Variants in ZNF462 observed in about 807,000 individuals in gnomAD.
ZNF462 encodes the protein zinc finger protein 462.
In ZNF462, 10 loss-of-function variants were observed where a neutral mutation model predicts 201.9. The ratio of observed to expected loss-of-function variants is 0.05; its 90% CI spans 0.03 to 0.08. ZNF462 has a LOEUF of 0.08. Among genes scored for constraint, ZNF462 ranks in the 10% least tolerant of loss-of-function variants. ZNF462 has a pLI of 1.00. For missense variants in ZNF462, 2,523 were observed against 3,168.3 expected (o/e 0.80, Z 4.89); for synonymous variants, 1,227 against 1,193.3 (o/e 1.03, Z -0.58).
chr9:106,896,698 T>C (rs1463184382), intron 1 of ZNF462, among the ~76,000 whole-genome samples: 1 of 152,226 alleles, frequency 6.6e-6, no homozygotes, highest in African/African-American at 2.4e-5. Flanking sequence ...GGTCGACTGA[T>C]TGATGAAATA....
chr9:106,952,274 G>A (rs191001344), intron 7 of ZNF462, among the ~76,000 whole-genome samples: 93 of 152,174 alleles, frequency 6.1e-4, no homozygotes, highest in East Asian at 5.0e-3. Flanking sequence ...TAATGATGCC[G>A]ACTTTATGGG....
intron 11 of ZNF462, among the ~76,000 whole-genome samples, chr9:107,007,477 C>T (rs544454279): frequency 7.9e-5 from 12 of 152,268 alleles, no homozygotes; most frequent in Non-Finnish European, 1.6e-4. Context: ...GAACAAAAAG[C>T]CCTCAGGGTG....
intron 1 of ZNF462, among the ~76,000 whole-genome samples, chr9:106,908,941 A>ATTTTTT (rs1163695505): frequency 3.9e-5 from 1 of 25,350 alleles, no homozygotes; most frequent in Non-Finnish European, 6.5e-5. Context: ...ATATATATAT[A>ATTTTTT]TTTTTTTTTT....
Position 107,006,538 on chromosome 9 carries a change from G to A in ZNF462, c.7190-3007G>A, listed in dbSNP as rs745423875. 7.9e-5 allele frequency among the ~76,000 whole-genome samples: 12 copies of A among 152,218 alleles called. No individual in the cohort carries two copies. The highest frequency in any genetic ancestry group is 1.6e-4 in the Non-Finnish European group (11 of 68,014). On this transcript the variant is annotated intron_variant, in intron 11 of 12. Transcript: ENST00000277225. The surrounding 1 kb of genome is among the most constrained non-coding windows in gnomAD (Gnocchi z 4.3). ...AATCTGTGGATTCAGTGGCCCTTGG[G>A]ACCTTGCTGTAAGGAGCAGTTTTGC...
Position 106,950,634 on chromosome 9 carries a change from G to A in ZNF462, c.6427+11527G>A, listed in dbSNP as rs1276899821. ...CTAAACCACAGGCAGACAGTGAAGT[G>A]TAAGTGCAGTTCCCTATTAGCACAT... On this transcript the variant is annotated intron_variant, in intron 7 of 12. Transcript: ENST00000277225. The surrounding 1 kb of genome is among the most constrained non-coding windows in gnomAD (Gnocchi z 4.1). Among the ~76,000 whole-genome samples, 2 of 152,184 alleles carry A rather than the reference G, an allele frequency of 1.3e-5. No individual in the cohort carries two copies. Among genetic ancestry groups the A allele is most frequent in the Non-Finnish European group, 2.9e-5 (2 of 68,026 alleles).
chr9:107,010,527 A>C lies in ZNF462; in HGVS notation c.7314-296A>C, dbSNP rs1404816781. Reference sequence around the variant, plus strand: ...TATGACCCAGTAGAGAAAGTGACATAAAATGATTATGCTTATCTAGAAAGA... The same window carrying C: ...TATGACCCAGTAGAGAAAGTGACATCAAATGATTATGCTTATCTAGAAAGA... On this transcript the variant is annotated intron_variant, in intron 12 of 12. Coordinates refer to ENST00000277225, the MANE Select transcript of ZNF462 (RefSeq NM_021224.6). The surrounding 1 kb of genome is among the most constrained non-coding windows in gnomAD (Gnocchi z 4.6). 6.6e-6 allele frequency among the ~76,000 whole-genome samples: 1 copy of C among 152,194 alleles called. No individual in the cohort carries two copies. The highest frequency in any genetic ancestry group is 1.5e-5 in the Non-Finnish European group (1 of 68,030).
Position 106,865,016 on chromosome 9 carries a change from TGGA to T in ZNF462, c.-31+1673_-31+1675del, listed in dbSNP as rs774546287. On this transcript the variant is annotated intron_variant, in intron 1 of 12. Coordinates refer to ENST00000277225, the MANE Select transcript of ZNF462 (RefSeq NM_021224.6). The surrounding 1 kb of genome is among the most constrained non-coding windows in gnomAD (Gnocchi z 4.1). ...ATTTTGAAGCTCTGTTGGTGATGGC[TGGA>T]GGAGGAGGAGGCTTGCTTGCCTACT... Among the ~76,000 whole-genome samples, 87 of 152,098 alleles carry T rather than the reference TGGA, an allele frequency of 5.7e-4. No homozygotes were observed. Among genetic ancestry groups the T allele is most frequent in the Non-Finnish European group, 9.6e-4 (65 of 67,994 alleles).
chr9:106,945,979 A>T (rs1013626953), intron 7 of ZNF462, among the ~76,000 whole-genome samples: 4 of 152,362 alleles, frequency 2.6e-5, no homozygotes, highest in Non-Finnish European at 5.9e-5. Flanking sequence ...GTGACTTTGA[A>T]TTAGCCATAG....
intron 7 of ZNF462, among the ~76,000 whole-genome samples, chr9:106,945,034 C>A (rs1261763752): frequency 6.6e-6 from 1 of 152,124 alleles, no homozygotes; most frequent in Non-Finnish European, 1.5e-5. Flanking sequence ...TTCACTAACC[C>A]ATGCCATAGA....
chr9:106,976,514 G>C (rs1827015463), intron 9 of ZNF462: 1 of 152,174 alleles, frequency 6.6e-6, no homozygotes, highest in Non-Finnish European at 1.5e-5. Flanking sequence ...CTCACTCAAA[G>C]TCACCCAACT....
At position 106,919,599 on chromosome 9, in the gene ZNF462, A is replaced by G. The variant is rs1048403320; in HGVS notation, c.-30-3755A>G. Among the ~76,000 whole-genome samples, 11 of 152,252 alleles carry G rather than the reference A, an allele frequency of 7.2e-5. No individual in the cohort carries two copies. The highest frequency in any genetic ancestry group is 2.4e-4 in the African/African-American group (10 of 41,466). On this transcript the variant is annotated intron_variant, in intron 1 of 12. Coordinates refer to ENST00000277225, the MANE Select transcript of ZNF462 (RefSeq NM_021224.6). This position sits in a 1 kb window ranked among gnomAD's most constrained non-coding sequence, Gnocchi z 4.5. ...AAACAATTGGATTGTGGGTTTGCCC[A>G]TCAAAACCCCACATTTTGAAATCCT... is the stretch of plus-strand genomic sequence containing the variant.
In ZNF462 at chr9:107,009,651, T is replaced by C. The variant is rs769992222; in HGVS notation, c.7296T>C (p.His2432=). Residue 2432 remains histidine (H), a synonymous_variant, in exon 12 of 13, where the codon CAT becomes CAC. Transcript: ENST00000277225. This position sits in a 1 kb window ranked among gnomAD's most constrained non-coding sequence, Gnocchi z 6.1. ...AFSQGSEWER[H]VLRHGMALND... ...CACAGGGCTCTGAGTGGGAAAGACA[T>C]GTGCTGAGACACGGCATGTAAGTTG... 12 of 1,612,282 alleles carry C rather than the reference T, an allele frequency of 7.4e-6. No individual in the cohort carries two copies. In the South Asian group the frequency reaches 9.9e-5, roughly 13 times the overall value.
At chr9:106,969,596 TTTTGC>T (rs1826482082) in intron 7 of ZNF462, among the ~76,000 whole-genome samples, 1 of 152,066 alleles carries the variant, frequency 6.6e-6, no homozygotes, top group African/African-American at 2.4e-5. Context: ...TTCTTTATAG[TTTTGC>T]TAGAAAGGGA....
intron 7 of ZNF462, 91 bp downstream of exon 7, chr9:106,939,198 A>G (rs1457129169): frequency 4.7e-6 from 6 of 1,275,832 alleles, no homozygotes; most frequent in African/African-American, 4.5e-5. Context: ...GGAAAATCTT[A>G]TGTGAAAACA....
chr9:106,864,038 G>GGCTCTCTC (rs1827178678), intron 1 of ZNF462, among the ~76,000 whole-genome samples: 2 of 55,384 alleles, frequency 3.6e-5, no homozygotes, highest in South Asian at 5.7e-4. Context: ...TCAGGTATTT[G>GGCTCTCTC]GCTCTCTCTC....
intron 1 of ZNF462, among the ~76,000 whole-genome samples, chr9:106,888,443 G>A (rs890203048): frequency 6.6e-6 from 1 of 152,200 alleles, no homozygotes; most frequent in East Asian, 1.9e-4. Flanking sequence ...TGGCAGGGAG[G>A]AAGCTATGTT....
chr9:106,871,208 A>G (rs1008540901), intron 1 of ZNF462, among the ~76,000 whole-genome samples: 1 of 152,226 alleles, frequency 6.6e-6, no homozygotes, highest in African/African-American at 2.4e-5. Flanking sequence ...TTCTATTGCT[A>G]ATGAAAAGCT....
intron 6 of ZNF462, among the ~76,000 whole-genome samples, chr9:106,937,283 G>A (rs1564117679): frequency 6.6e-6 from 1 of 152,054 alleles, no homozygotes; most frequent in African/African-American, 2.4e-5. Context: ...ATATTCATCC[G>A]TGGTGAGAGG....
Position 106,895,159 on chromosome 9 carries a change from G to A in ZNF462, c.-30-28195G>A, listed in dbSNP as rs1828756386. 6.6e-6 allele frequency among the ~76,000 whole-genome samples: 1 copy of A among 152,124 alleles called. No individual in the cohort carries two copies. Among genetic ancestry groups the A allele is most frequent in the African/African-American group, 2.4e-5 (1 of 41,418 alleles). On this transcript the variant is annotated intron_variant, in intron 1 of 12. Coordinates refer to ENST00000277225, the MANE Select transcript of ZNF462 (RefSeq NM_021224.6). The surrounding 1 kb of genome is among the most constrained non-coding windows in gnomAD (Gnocchi z 4.4). The stretch of plus-strand genomic sequence containing the variant: ...AATATTCCATACCTTTATTGGCACT[G>A]TTCTTTTAAAATTCAGTTAAAAGTA...
Sources: allele counts gnomAD v4.1 joint callset (sites outside exome capture counted in the v4.1 genomes callset), GRCh38; gene constraint gnomAD v4.1.1; non-coding constraint Gnocchi (gnomAD v3.1); transcripts MANE v1.5; gene names NCBI Gene and HGNC (gene_info 2026-07-23, HGNC 2026-07-21).